Variants in NPAT observed in about 807,000 individuals in gnomAD.
The protein encoded by NPAT is protein NPAT.
In NPAT, 52 loss-of-function variants were observed where a neutral mutation model predicts 130.7. The ratio of observed to expected loss-of-function variants is 0.40; its 90% CI spans 0.32 to 0.50. The LOEUF (loss-of-function observed/expected upper bound fraction) is 0.50, where lower values mean the gene tolerates loss of function less well. Among genes scored for constraint, NPAT ranks in the 20% least tolerant of loss-of-function variants. The pLI is 0.68. For missense variants in NPAT, 1,687 were observed against 1,662.6 expected (o/e 1.01, Z -0.26); for synonymous variants, 580 against 584.8 (o/e 0.99, Z 0.12).
intron 1 of NPAT, among the ~76,000 whole-genome samples, chr11:108,215,213 A>G (rs2078421952): frequency 6.6e-6 from 1 of 152,190 alleles, no homozygotes; most frequent in Non-Finnish European, 1.5e-5. Context: ...GTATTACTTA[A>G]TACTTATAAG....
At position 108,172,624 on chromosome 11, in the gene NPAT, A is replaced by C; in HGVS notation, c.2360T>G (p.Val787Gly). ...AGTTTCTTCTGAAGATAGGCATTTA[A>C]CTAGTTCTGCATTTTTAGTAGGTGA... The part of the protein sequence containing the change: ...TKSPTKNAEL[V>G]KCLSSEETVG... Residue 787 changes from valine to glycine, a missense_variant, in exon 13 of 18, where the codon GTT (valine) becomes GGT (glycine). By Grantham distance (109) the Val-to-Gly change is moderately radical (BLOSUM62 -3). Transcript: ENST00000278612. 3.1e-6 allele frequency: 5 copies of C among 1,614,228 alleles called. No homozygotes were observed. The highest frequency in any genetic ancestry group is 4.2e-6 in the Non-Finnish European group (5 of 1,180,040).
chr11:108,168,299 G>A (rs949764667), intron 15 of NPAT, among the ~76,000 whole-genome samples: 1 of 152,102 alleles, frequency 6.6e-6, no homozygotes, highest in Admixed American at 6.6e-5. Context: ...CATCTGAAAA[G>A]TCCACTGATA....
At chr11:108,219,096 A>T (rs1171361045) in intron 1 of NPAT, among the ~76,000 whole-genome samples, 2 of 152,134 alleles carry the variant, frequency 1.3e-5, no homozygotes, top group Non-Finnish European at 2.9e-5. Flanking sequence ...TGTATGACAT[A>T]AAGCTTGACT....
chr11:108,218,873 T>C (rs1326018295), intron 1 of NPAT, among the ~76,000 whole-genome samples: 4 of 152,176 alleles, frequency 2.6e-5, no homozygotes, highest in South Asian at 2.1e-4. Context: ...GTAAGGATCA[T>C]GAAAAGTTTT....
chr11:108,187,709 T>A (rs2078121337), intron 7 of NPAT, among the ~76,000 whole-genome samples: 5 of 147,538 alleles, frequency 3.4e-5, no homozygotes, highest in Admixed American at 2.7e-4. Context: ...TCTCAAAGAT[T>A]GTGCCTGGAA....
chr11:108,208,562 T>C, intron 1 of NPAT: 2 of 409,288 alleles, frequency 4.9e-6, no homozygotes, highest in Non-Finnish European at 9.7e-6. Context: ...CACTCGAGCC[T>C]GGGCAACAGG....
rs747610386 is a variant in NPAT, at chr11:108,173,598, T to A, written c.1386A>T (p.Glu462Asp). 1.9e-6 allele frequency: 3 copies of A among 1,614,098 alleles called. No homozygotes were observed. In the African/African-American group the frequency reaches 4.0e-5, roughly 22 times the overall value. The change falls in exon 13 of 18, where the codon GAA becomes GAT. Residue 462 changes from glutamate (E) to aspartate (D), a missense_variant. Glu to Asp is a conservative substitution (Grantham distance 45). This residue lies in a region of NPAT where 1,379 missense variants were observed against 1,346.6 expected (regional missense o/e 1.02). Coordinates refer to ENST00000278612, the MANE Select transcript of NPAT (RefSeq NM_002519.3). ...DFNQRGNSNA[E>D]CNPHCAELYT... ...ATAATTCAGCACAATGTGGATTACA[T>A]TCAGCATTAGAATTCCCTCTTTGGT...
At chr11:108,159,859 A>G (rs79930912) in intron 17 of NPAT, among the ~76,000 whole-genome samples, 1 of 151,438 alleles carries the variant, frequency 6.6e-6, no homozygotes, top group African/African-American at 2.4e-5. Flanking sequence ...AAAAAAAAAA[A>G]CCAGAAAAAA....
At chr11:108,193,810 C>T (rs1441993837) in intron 3 of NPAT, 147 bp downstream of exon 3, 1 of 558,174 alleles carries the variant, frequency 1.8e-6, no homozygotes, top group Non-Finnish European at 3.2e-6. Context: ...TTAGATGTGT[C>T]CCAGAAAAAT....
rs769840727 is a variant in NPAT at position 108,161,138 on chromosome 11, G to A, written c.3948C>T (p.Cys1316=). The A allele has an allele frequency of 1.2e-6, 2 of 1,614,170 alleles. No homozygotes were observed. The highest frequency in any genetic ancestry group is 1.7e-4 in the Middle Eastern group (1 of 6,050). Reference sequence around the variant, plus strand: ...CACTTCCTGTTTCACTGGCAGGGCTGCAGGCAGGCAAGTCTGGGGTGACAG... The same window carrying A: ...CACTTCCTGTTTCACTGGCAGGGCTACAGGCAGGCAAGTCTGGGGTGACAG... ...VPPVTPDLPA[C]SPASETGSEN... Residue 1316 remains cysteine (C), a synonymous_variant, in exon 17 of 18, where the codon TGC becomes TGT. Coordinates refer to ENST00000278612, the MANE Select transcript of NPAT (RefSeq NM_002519.3).
At chr11:108,185,347 T>C (rs1227435651) in intron 9 of NPAT, 28 bp from the exon 10 acceptor site, 1 of 1,586,782 alleles carries the variant, frequency 6.3e-7, no homozygotes, top group Admixed American at 1.7e-5. Flanking sequence ...AAAATCTTTA[T>C]TATAGTTATG....
chr11:108,160,733 T>C (rs1232547834), intron 17 of NPAT, 147 bp downstream of exon 17: 2 of 721,616 alleles, frequency 2.8e-6, no homozygotes, highest in Non-Finnish European at 4.6e-6. Flanking sequence ...GGTCCTGTGA[T>C]CATGGTTATG....
intron 10 of NPAT, among the ~76,000 whole-genome samples, chr11:108,180,438 A>C (rs2078048871): frequency 6.6e-6 from 1 of 152,260 alleles, no homozygotes; most frequent in Admixed American, 6.5e-5. Context: ...AAAAAGGCAT[A>C]CATGTGAAAC....
At position 108,162,012 on chromosome 11, in the gene NPAT, G is replaced by C. The variant is rs771633816; in HGVS notation, c.3074C>G (p.Thr1025Ser). The stretch of plus-strand genomic sequence containing the variant: ...GGCAATACTTTTGTCAGAAACTTCA[G>C]TTCTAAAACAAAACAAAACAAAACT... ...GHSVGCHAQK[T>S]EVSDKSIATD... is the part of the protein sequence containing the mutation. The change falls in exon 17 of 18, where the codon ACT (threonine) becomes AGT (serine). Residue 1025 changes from threonine to serine, a missense_variant and splice_region_variant. Coordinates refer to ENST00000278612, the MANE Select transcript of NPAT (RefSeq NM_002519.3). The C allele has an allele frequency of 6.2e-7, 1 of 1,610,760 alleles. No individual in the cohort carries two copies. The highest frequency in any genetic ancestry group is 1.1e-5 in the South Asian group (1 of 90,320).
chr11:108,173,380 G>T lies in NPAT; in HGVS notation c.1604C>A (p.Ser535Tyr). ...ILSGKSSQLL[S>Y]QDTSLTGKPS... ...CTTTCCAGTTAATGAAGTATCTTGG[G>T]ATAAAAGTTGAGAACTCTTCCCAGA... The change falls in exon 13 of 18, where the codon TCC (serine) becomes TAC (tyrosine). Residue 535 changes from serine to tyrosine, a missense_variant. Coordinates refer to ENST00000278612, the MANE Select transcript of NPAT (RefSeq NM_002519.3). 1.2e-6 allele frequency: 2 copies of T among 1,613,780 alleles called. No individual in the cohort carries two copies. Among genetic ancestry groups the T allele is most frequent in the Non-Finnish European group, 1.7e-6 (2 of 1,179,766 alleles).
chr11:108,163,402 G>A (rs1343420204), intron 15 of NPAT, among the ~76,000 whole-genome samples: 1 of 152,066 alleles, frequency 6.6e-6, no homozygotes, highest in Non-Finnish European at 1.5e-5. Context: ...GTTAAATAGG[G>A]AAGATGCATG....
intron 3 of NPAT, among the ~76,000 whole-genome samples, chr11:108,192,659 A>T (rs568796429): frequency 1.3e-5 from 2 of 152,158 alleles, no homozygotes; most frequent in Admixed American, 1.3e-4. Context: ...GGGTTATTCT[A>T]AAGACTAAAT....
chr11:108,171,888 T>C, intron 13 of NPAT: 1 of 273,044 alleles, frequency 3.7e-6, no homozygotes, highest in Non-Finnish European at 7.0e-6. Context: ...CCCACAACAT[T>C]GGGTTTTATA....
At chr11:108,220,876 G>A (rs1333159129) in intron 1 of NPAT, among the ~76,000 whole-genome samples, 1 of 152,218 alleles carries the variant, frequency 6.6e-6, no homozygotes, top group African/African-American at 2.4e-5. Context: ...TGTCTGGGAA[G>A]CCATGACAGA....
Sources: allele counts gnomAD v4.1 joint callset (sites outside exome capture counted in the v4.1 genomes callset), GRCh38; gene constraint gnomAD v4.1.1; regional missense constraint gnomAD v4.1.1; transcripts MANE v1.5; gene names NCBI Gene and HGNC (gene_info 2026-07-23, HGNC 2026-07-21).